The following LPP variants were observed in gnomAD, a reference collection of about 807,000 sequenced individuals.
LPP encodes the protein lipoma-preferred partner.
LPP carries 38 observed loss-of-function variants against 60.4 expected under a neutral mutation model. That is an observed-to-expected ratio of 0.63 (90% CI 0.49 to 0.83). The LOEUF (loss-of-function observed/expected upper bound fraction) is 0.83, where lower values mean the gene tolerates loss of function less well. Ranked by LOEUF, LPP falls within the 40% of genes least tolerant of loss-of-function variation. The probability of loss-of-function intolerance (pLI) is 0.00; values close to 1 mark genes in which losing one functional copy is unlikely to be tolerated. For missense variants in LPP, 902 were observed against 783.6 expected (o/e 1.15, Z -1.80); for synonymous variants, 328 against 290.8 (o/e 1.13, Z -1.30).
rs561852481 is a variant in LPP, at chr3:188,429,225, A to C, written c.193+22912A>C. 2.0e-5 allele frequency among the ~76,000 whole-genome samples: 3 copies of C among 152,298 alleles called. No homozygotes were observed. The South Asian group carries it at 6.2e-4, about 32-fold the overall frequency. On this transcript the variant is annotated intron_variant, in intron 4 of 11. Coordinates refer to ENST00000617246, the MANE Select transcript of LPP (RefSeq NM_001375462.1). ...GAGTTTTATTAAGAGGGCCCAGTTC[A>C]ATTTATATGTGCAAAACTGATGCCC...
chr3:188,232,483 T>C (rs1002448099), intron 2 of LPP, among the ~76,000 whole-genome samples: 9 of 150,826 alleles, frequency 6.0e-5, no homozygotes, highest in African/African-American at 2.2e-4. Context: ...GGATTACAGA[T>C]GCATGCCATC....
intron 3 of LPP, among the ~76,000 whole-genome samples, chr3:188,376,316 C>G (rs1280228407): frequency 6.6e-6 from 1 of 151,668 alleles, no homozygotes; most frequent in African/African-American, 2.4e-5. Context: ...GTTAAAGTCT[C>G]CCATTATTAT....
At chr3:188,641,510 A>T (rs961167491) in intron 7 of LPP, among the ~76,000 whole-genome samples, 2 of 152,186 alleles carry the variant, frequency 1.3e-5, no homozygotes, top group African/African-American at 4.8e-5. Flanking sequence ...TATGTTCAGC[A>T]CAGTAATAAG....
rs527525862 is a variant in LPP at position 188,760,117 on chromosome 3, C to T, written c.1245C>T (p.Arg415=). Residue 415 remains arginine, a synonymous_variant, in exon 9 of 12, where the codon CGC becomes CGT. Coordinates refer to ENST00000617246, the MANE Select transcript of LPP (RefSeq NM_001375462.1). ...ENPPADEYFG[R]CARCGENVVG... is the part of the protein sequence containing the mutation. ...ATCAAACCCTTTTTTTTCCAGGCCG[C>T]TGTGCTCGCTGTGGAGAAAACGTAG... 1 of 1,613,740 alleles carries T rather than the reference C, an allele frequency of 6.2e-7. No homozygotes were observed. Among genetic ancestry groups the T allele is most frequent in the African/African-American group, 1.3e-5 (1 of 75,012 alleles).
At chr3:188,498,103 C>T (rs1324848433) in intron 5 of LPP, among the ~76,000 whole-genome samples, 1 of 152,152 alleles carries the variant, frequency 6.6e-6, no homozygotes, top group Non-Finnish European at 1.5e-5. Flanking sequence ...ACAGCGTCTT[C>T]TACCTCCTCC....
intron 2 of LPP, among the ~76,000 whole-genome samples, chr3:188,305,559 T>C (rs1050708842): frequency 6.6e-6 from 1 of 152,112 alleles, no homozygotes; most frequent in Admixed American, 6.6e-5. Flanking sequence ...CTATTTCAGT[T>C]GCTGGTTTTG....
At chr3:188,848,778 C>T (rs1762064983) in intron 9 of LPP, among the ~76,000 whole-genome samples, 1 of 152,078 alleles carries the variant, frequency 6.6e-6, no homozygotes, top group South Asian at 2.1e-4. Flanking sequence ...CCATCCTGGC[C>T]AACATGGTGA....
chr3:188,769,812 A>G (rs187951112), intron 9 of LPP, among the ~76,000 whole-genome samples: 7 of 152,278 alleles, frequency 4.6e-5, no homozygotes, highest in Non-Finnish European at 8.8e-5. Flanking sequence ...GATTAGTAAG[A>G]TTTTGGTTGG....
At chr3:188,398,497 A>G (rs1358216906) in intron 3 of LPP, among the ~76,000 whole-genome samples, 2 of 152,242 alleles carry the variant, frequency 1.3e-5, no homozygotes, top group Non-Finnish European at 2.9e-5. Flanking sequence ...CCAGCTGTCC[A>G]TGCAGAGAGT....
chr3:188,801,932 G>A (rs1001926129), intron 9 of LPP, among the ~76,000 whole-genome samples: 16 of 152,174 alleles, frequency 1.1e-4, no homozygotes, highest in African/African-American at 3.4e-4. Context: ...TAGTTTGAAC[G>A]GTAACTGCAG....
At position 188,688,827 on chromosome 3, in the gene LPP, A is replaced by G. The variant is rs753251916; in HGVS notation, c.1114-19440A>G. On this transcript the variant is annotated intron_variant, in intron 7 of 11. Coordinates refer to ENST00000617246, the MANE Select transcript of LPP (RefSeq NM_001375462.1). Reference sequence around the variant, plus strand: ...CACAGTCTATTGAGTTACCTTTCTGACTTTCCCACTAGATTGTGAGCTCCT... The same window carrying G: ...CACAGTCTATTGAGTTACCTTTCTGGCTTTCCCACTAGATTGTGAGCTCCT... 3 of 524,290 alleles carry G rather than the reference A, an allele frequency of 5.7e-6. No homozygotes were observed. In the African/African-American group the frequency reaches 5.9e-5, roughly 10 times the overall value. The allele number at this position is 524,290 out of a possible 1,614,324, so 32.5% of individuals were successfully genotyped here.
rs115041550 is a variant in LPP at position 188,880,329 on chromosome 3, C to T, written c.*5850C>T. The T allele has an allele frequency of 0.04, 7,098 of 178,206 alleles. 185 individuals carry two copies. The highest frequency in any genetic ancestry group is 0.073 in the African/African-American group (3,079 of 42,394). 11.0% of individuals were successfully genotyped at this position (178,206 alleles called of 1,614,324 possible). On this transcript the variant is annotated 3_prime_UTR_variant, in exon 12 of 12. Transcript: ENST00000617246. ...TACAGGCGTGAGCCACCGTGCCCCG[C>T]GTGTTTTTTTCTTTAGCTGATTGAC...
intron 7 of LPP, among the ~76,000 whole-genome samples, chr3:188,641,541 A>T: frequency 6.6e-6 from 1 of 152,276 alleles, no homozygotes; most frequent in East Asian, 1.9e-4. Context: ...CCAAAGGAAA[A>T]ACAAGTCAGT....
At chr3:188,871,039 A>G (rs1028598113) in intron 10 of LPP, among the ~76,000 whole-genome samples, 1 of 152,144 alleles carries the variant, frequency 6.6e-6, no homozygotes, top group African/African-American at 2.4e-5. Context: ...GCAAAGTCCT[A>G]TCTTGTGGAA....
intron 6 of LPP, among the ~76,000 whole-genome samples, chr3:188,538,797 A>G (rs1274416435): frequency 6.6e-6 from 1 of 152,234 alleles, no homozygotes; most frequent in Non-Finnish European, 1.5e-5. Flanking sequence ...TCAGTTGGTG[A>G]ATGGATAAAC....
intron 2 of LPP, among the ~76,000 whole-genome samples, chr3:188,280,200 T>C (rs1741425144): frequency 6.6e-6 from 1 of 152,162 alleles, no homozygotes; most frequent in African/African-American, 2.4e-5. Context: ...ATGTCTAGCA[T>C]TTTTGTAACC....
At chr3:188,393,800 G>A (rs569240835) in intron 3 of LPP, among the ~76,000 whole-genome samples, 62 of 152,170 alleles carry the variant, frequency 4.1e-4, no homozygotes, top group Non-Finnish European at 8.1e-4. Flanking sequence ...TTAGGTCCTA[G>A]GAATATATAG....
chr3:188,851,764 CTA>C (rs1321453287), intron 9 of LPP, among the ~76,000 whole-genome samples: 1 of 152,148 alleles, frequency 6.6e-6, no homozygotes, highest in East Asian at 1.9e-4. Flanking sequence ...AAAATATTGT[CTA>C]TGTGTCAATT....
chr3:188,341,102 C>T (rs918653332), intron 2 of LPP, among the ~76,000 whole-genome samples: 16 of 152,164 alleles, frequency 1.1e-4, no homozygotes, highest in African/African-American at 3.6e-4. Context: ...ATCCTATGTA[C>T]TTTTCCCATT....
Sources: gnomAD v4.1 joint callset for allele counts (sites outside exome capture counted in the v4.1 genomes callset) on GRCh38, gnomAD v4.1.1 for gene constraint, MANE v1.5 for transcripts, NCBI Gene and HGNC (gene_info 2026-07-23, HGNC 2026-07-21) for gene names.